The following CAST variants were observed in gnomAD, a reference collection of about 807,000 sequenced individuals.
CAST encodes the protein calpastatin.
A neutral mutation model predicts 119.6 loss-of-function variants in CAST; 76 were observed. The ratio of observed to expected loss-of-function variants is 0.64; its 90% CI spans 0.53 to 0.77. The LOEUF (loss-of-function observed/expected upper bound fraction) is 0.77, where lower values mean the gene tolerates loss of function less well. Among genes scored for constraint, CAST ranks in the 30% least tolerant of loss-of-function variants. CAST has a pLI of 0.00. For missense variants in CAST, 953 were observed against 946.5 expected (o/e 1.01, Z -0.09); for synonymous variants, 319 against 331.6 (o/e 0.96, Z 0.41).
chr5:96,247,037 A>G, the CAST span, among the ~76,000 whole-genome samples: 1 of 152,230 alleles, frequency 6.6e-6, no homozygotes, highest in African/African-American at 2.4e-5. Context: ...CAAGAAAGTC[A>G]TTAAGTATAT....
the CAST span, among the ~76,000 whole-genome samples, chr5:96,160,563 C>A: frequency 1.3e-5 from 2 of 152,136 alleles, no homozygotes; most frequent in Admixed American, 6.5e-5. Context: ...AATACTGCTG[C>A]TGTAAACATT....
At chr5:96,339,862 C>T in the CAST span, among the ~76,000 whole-genome samples, 1 of 152,066 alleles carries the variant, frequency 6.6e-6, no homozygotes, top group Non-Finnish European at 1.5e-5. Flanking sequence ...GTGGCTATCT[C>T]CCCAGGGTGG....
At chr5:96,494,918 C>T in the CAST span, among the ~76,000 whole-genome samples, 3 of 151,986 alleles carry the variant, frequency 2.0e-5, no homozygotes, top group Middle Eastern at 3.2e-3. Context: ...GAGCTCGAGA[C>T]CATCCTGGCT....
chr5:96,482,523 T>A, the CAST span, among the ~76,000 whole-genome samples: 1 of 151,918 alleles, frequency 6.6e-6, no homozygotes, highest in Non-Finnish European at 1.5e-5. Context: ...TGCCTTGATA[T>A]ATAGATACCC....
chr5:96,197,689 C>A, the CAST span, among the ~76,000 whole-genome samples: 1 of 152,110 alleles, frequency 6.6e-6, no homozygotes, highest in Non-Finnish European at 1.5e-5. Flanking sequence ...CCTATTGCTA[C>A]CCCCTTCACA....
chr5:96,425,405 A>G, the CAST span, among the ~76,000 whole-genome samples: 2 of 152,212 alleles, frequency 1.3e-5, no homozygotes, highest in Non-Finnish European at 2.9e-5. Flanking sequence ...TGTGTCATAT[A>G]AGAATTGTCA....
At chr5:96,440,935 A>T in the CAST span, among the ~76,000 whole-genome samples, 1 of 152,336 alleles carries the variant, frequency 6.6e-6, no homozygotes, top group Non-Finnish European at 1.5e-5. Flanking sequence ...CATTAAGCAC[A>T]GATATAAGAG....
At chr5:96,454,059 T>C in the CAST span, among the ~76,000 whole-genome samples, 3 of 152,008 alleles carry the variant, frequency 2.0e-5, no homozygotes, top group Non-Finnish European at 4.4e-5. Context: ...TAGATAAAAA[T>C]TTTTTGTTTT....
At chr5:96,002,991 T>C in the CAST span, among the ~76,000 whole-genome samples, 1 of 152,142 alleles carries the variant, frequency 6.6e-6, no homozygotes, top group Non-Finnish European at 1.5e-5. Flanking sequence ...ATCCCAGCAC[T>C]TTGGGAGGCC....
At chr5:96,302,736 C>A in the CAST span, among the ~76,000 whole-genome samples, 1 of 152,218 alleles carries the variant, frequency 6.6e-6, no homozygotes, top group African/African-American at 2.4e-5. Context: ...GACCTTTATT[C>A]CAGTTCCCAA....
At chr5:96,564,706 C>T (rs2150185579) in intron 1 of CAST, among the ~76,000 whole-genome samples, 1 of 152,312 alleles carries the variant, frequency 6.6e-6, no homozygotes, top group East Asian at 1.9e-4. Flanking sequence ...ATCACTTGAG[C>T]TCAGATGTTC....
At chr5:96,045,999 A>T in the CAST span, among the ~76,000 whole-genome samples, 1 of 152,212 alleles carries the variant, frequency 6.6e-6, no homozygotes, top group Non-Finnish European at 1.5e-5. Context: ...ACATTTAAAC[A>T]AATACATGGA....
At chr5:96,336,963 T>C in the CAST span, among the ~76,000 whole-genome samples, 1 of 152,150 alleles carries the variant, frequency 6.6e-6, no homozygotes, top group Non-Finnish European at 1.5e-5. Context: ...AGTAAATATT[T>C]AATATGGAAG....
intron 1 of CAST, among the ~76,000 whole-genome samples, chr5:96,573,039 G>A (rs1746598183): frequency 6.6e-6 from 1 of 152,228 alleles, no homozygotes; most frequent in Non-Finnish European, 1.5e-5. Flanking sequence ...TGGAGAGAAG[G>A]ACAAAGCTAT....
chr5:96,060,779 C>T, the CAST span, among the ~76,000 whole-genome samples: 1 of 151,980 alleles, frequency 6.6e-6, no homozygotes, highest in Non-Finnish European at 1.5e-5. Flanking sequence ...TGGAAAGCCC[C>T]CTGTATTAAT....
At chr5:96,195,338 A>T in the CAST span, among the ~76,000 whole-genome samples, 4 of 152,154 alleles carry the variant, frequency 2.6e-5, no homozygotes, top group South Asian at 8.3e-4. Flanking sequence ...GAAGCCTTTT[A>T]AACAAATACT....
intron 1 of CAST, among the ~76,000 whole-genome samples, chr5:96,547,150 G>A (rs1018925039): frequency 6.6e-6 from 1 of 152,074 alleles, no homozygotes; most frequent in African/African-American, 2.4e-5. Flanking sequence ...ATTCCCTGGG[G>A]TTCTCCAGAG....
the CAST span, among the ~76,000 whole-genome samples, chr5:96,261,171 A>G: frequency 6.6e-6 from 1 of 152,162 alleles, no homozygotes; most frequent in African/African-American, 2.4e-5. Flanking sequence ...AGCTGCATTT[A>G]AGCAGGCTCT....
chr5:96,559,340 G>A lies in CAST; in HGVS notation c.60+29460G>A, dbSNP rs1419623603. ...TCTCACCACTTCTATTCAACATAGT[G>A]TTGGAAGTTCTGGCCAGGGCAATCA... On this transcript the variant is annotated intron_variant, in intron 1 of 11. Coordinates refer to the CAST transcript ENST00000505143. 3.9e-5 allele frequency among the ~76,000 whole-genome samples: 6 copies of A among 152,272 alleles called. No homozygotes were observed. The South Asian group carries it at 8.3e-4, about 21-fold the overall frequency.
Sources: allele counts gnomAD v4.1 joint callset (sites outside exome capture counted in the v4.1 genomes callset), GRCh38; gene constraint gnomAD v4.1.1; transcripts MANE v1.5; gene names NCBI Gene and HGNC (gene_info 2026-07-23, HGNC 2026-07-21).